The following DHRSX variants were observed in gnomAD, a reference collection of about 807,000 sequenced individuals.
The protein encoded by DHRSX is dehydrogenase/reductase X-linked, also known as polyprenol dehydrogenase.
DHRSX carries 31 observed loss-of-function variants against 34.0 expected under a neutral mutation model. The ratio of observed to expected loss-of-function variants is 0.91; its 90% CI spans 0.69 to 1.23. The LOEUF (loss-of-function observed/expected upper bound fraction) is 1.23, where lower values mean the gene tolerates loss of function less well. DHRSX is among the 50% of genes most tolerant of loss of function. The pLI, the probability that DHRSX is intolerant of heterozygous loss-of-function variation, is 0.00. For synonymous variants in DHRSX, 201 were observed against 183.8 expected (o/e 1.09, Z -0.76); for missense variants, 414 against 428.1 (o/e 0.97, Z 0.29).
chrX:2,393,240 A>AAC (rs2043356929), intron 3 of DHRSX, among the ~76,000 whole-genome samples: 1 of 151,666 alleles, frequency 6.6e-6, no homozygotes, highest in Non-Finnish European at 1.5e-5. Flanking sequence ...CTAAAATATG[A>AAC]ATATATATAA....
intron 1 of DHRSX, among the ~76,000 whole-genome samples, chrX:2,481,394 G>A (rs1356985562): frequency 6.6e-6 from 1 of 152,128 alleles, no homozygotes; most frequent in Non-Finnish European, 1.5e-5. Context: ...GGCTGGTCGC[G>A]GTGGCTCACG....
At chrX:2,459,710 G>T (rs2044376452) in intron 1 of DHRSX, among the ~76,000 whole-genome samples, 1 of 151,998 alleles carries the variant, frequency 6.6e-6, no homozygotes, top group Non-Finnish European at 1.5e-5. Flanking sequence ...GGACAGCTAT[G>T]ACATATTTAA....
intron 3 of DHRSX, among the ~76,000 whole-genome samples, chrX:2,406,271 G>T (rs1447832411): frequency 6.6e-6 from 1 of 151,860 alleles, no homozygotes; most frequent in African/African-American, 2.4e-5. Flanking sequence ...CAGCCTAGGT[G>T]ACAGAGTGAG....
chrX:2,485,156 GC>G (rs2044855640), intron 1 of DHRSX, among the ~76,000 whole-genome samples: 1 of 152,150 alleles, frequency 6.6e-6, no homozygotes, highest in African/African-American at 2.4e-5. Context: ...CGGAAGGAGT[GC>G]CACACAGGCT....
In DHRSX at chrX:2,331,436, G is replaced by GGTTTTTT. The variant is rs1249970222; in HGVS notation, c.287-39834_287-39833insAAAAAAC. Among the ~76,000 whole-genome samples, 4 of 94,664 alleles carry GGTTTTTT rather than the reference G, an allele frequency of 4.2e-5. No homozygotes were observed. In the Admixed American group the frequency reaches 5.6e-4, roughly 13 times the overall value. The allele number at this position is 94,664 out of a possible 152,430, so 62.1% of individuals were successfully genotyped here. A position where few individuals can be genotyped will look rare whatever the true frequency, so the allele number is the denominator to read the frequency against. ...GGAATCCTTTCAGGAAGGTTTTTTG[G>GGTTTTTT]TTTTTTTTTTTTTTTTTTTTTTTTT... On this transcript the variant is annotated intron_variant, in intron 3 of 6. Transcript: ENST00000334651.
At chrX:2,239,186 GA>G (rs1234487400) in intron 6 of DHRSX, among the ~76,000 whole-genome samples, 2 of 152,102 alleles carry the variant, frequency 1.3e-5, no homozygotes, top group Admixed American at 1.3e-4. Context: ...AAGGATTAAA[GA>G]ATGATTCATG....
chrX:2,324,736 G>T (rs1426552732), intron 3 of DHRSX, among the ~76,000 whole-genome samples: 1 of 149,880 alleles, frequency 6.7e-6, no homozygotes, highest in African/African-American at 2.5e-5. Context: ...GACAGTAAGG[G>T]TATGGGAGTC....
intron 3 of DHRSX, among the ~76,000 whole-genome samples, chrX:2,395,426 T>G (rs1171577457): frequency 6.6e-6 from 1 of 152,090 alleles, no homozygotes; most frequent in African/African-American, 2.4e-5. Context: ...TCATTTCTGT[T>G]TTGAGTTTAC....
Position 2,264,690 on chromosome X carries a change from C to T in DHRSX, c.596+2050G>A, listed in dbSNP as rs1203549044. On this transcript the variant is annotated intron_variant, in intron 5 of 6. Coordinates refer to ENST00000334651, the MANE Select transcript of DHRSX (RefSeq NM_145177.3). ...TCCAGGGAGCACCATTTCCAGGGCA[C>T]GTGCGCCCAGTAGACACAGAGAGCA... Among the ~76,000 whole-genome samples the T allele has an allele frequency of 4.0e-5, 6 of 148,834 alleles. No homozygotes were observed. The South Asian group carries it at 6.4e-4, about 16-fold the overall frequency.
chrX:2,496,418 C>CA (rs2045286432), intron 1 of DHRSX, among the ~76,000 whole-genome samples: 1 of 152,118 alleles, frequency 6.6e-6, no homozygotes, highest in Non-Finnish European at 1.5e-5. Context: ...AGACTGGTCT[C>CA]AAACTCCTGA....
At chrX:2,478,152 A>G (rs1181965473) in intron 1 of DHRSX, among the ~76,000 whole-genome samples, 3 of 152,192 alleles carry the variant, frequency 2.0e-5, no homozygotes, top group Non-Finnish European at 4.4e-5. Flanking sequence ...GTGTAGGGGA[A>G]GAAGGATGCG....
chrX:2,465,809 C>CAACA (rs2044484067), intron 1 of DHRSX, among the ~76,000 whole-genome samples: 1 of 84,738 alleles, frequency 1.2e-5, no homozygotes, highest in Admixed American at 1.3e-4. Flanking sequence ...AACTCCATCG[C>CAACA]AAAAAAAAAA....
chrX:2,333,525 G>A (rs1203883152), intron 3 of DHRSX, among the ~76,000 whole-genome samples: 1 of 152,034 alleles, frequency 6.6e-6, no homozygotes, highest in Non-Finnish European at 1.5e-5. Context: ...AGTGATTCTT[G>A]TGCCTCAGCC....
At chrX:2,358,541 C>CA (rs930120168) in intron 3 of DHRSX, among the ~76,000 whole-genome samples, 34 of 151,676 alleles carry the variant, frequency 2.2e-4, no homozygotes, top group Non-Finnish European at 3.8e-4. Context: ...ACTAAGAATA[C>CA]AAAAAAAATT....
At chrX:2,276,396 T>C (rs184381314) in intron 4 of DHRSX, among the ~76,000 whole-genome samples, 70 of 152,324 alleles carry the variant, frequency 4.6e-4, no homozygotes, top group Non-Finnish European at 9.0e-4. Flanking sequence ...ACAATAGAAC[T>C]ATCGTTCATT....
At chrX:2,282,643 GGAGA>G (rs2041727174) in intron 4 of DHRSX, among the ~76,000 whole-genome samples, 1 of 111,652 alleles carries the variant, frequency 9.0e-6, no homozygotes, top group African/African-American at 2.9e-5. Flanking sequence ...GGAAAGGGAG[GGAGA>G]GAGGGAGAGA....
intron 1 of DHRSX, among the ~76,000 whole-genome samples, chrX:2,482,533 G>A (rs764196015): frequency 1.3e-5 from 2 of 152,120 alleles, no homozygotes; most frequent in South Asian, 4.1e-4. Flanking sequence ...CCAAAGTGCT[G>A]GGATGACAGG....
At chrX:2,487,920 AC>A (rs1410139790) in intron 1 of DHRSX, 1 of 151,764 alleles carries the variant, frequency 6.6e-6, no homozygotes, top group Non-Finnish European at 1.5e-5. Context: ...AGTGATCTGG[AC>A]CTCGCAGAAG....
At chrX:2,370,453 G>C (rs2043043805) in intron 3 of DHRSX, among the ~76,000 whole-genome samples, 1 of 152,040 alleles carries the variant, frequency 6.6e-6, no homozygotes, top group Non-Finnish European at 1.5e-5. Context: ...ATGACAGTCT[G>C]AGCCACCGCG....
Sources: gnomAD v4.1 joint callset for allele counts (sites outside exome capture counted in the v4.1 genomes callset) on GRCh38, gnomAD v4.1.1 for gene constraint, MANE v1.5 for transcripts, NCBI Gene and HGNC (gene_info 2026-07-23, HGNC 2026-07-21) for gene names.